Variants in SULT4A1 observed in about 807,000 individuals in gnomAD.
SULT4A1 encodes the protein sulfotransferase family 4A member 1.
In SULT4A1, 11 loss-of-function variants were observed where a neutral mutation model predicts 35.2. The observed-to-expected ratio is 0.31, with a 90% CI of 0.20 to 0.52. The LOEUF (loss-of-function observed/expected upper bound fraction) is 0.52, where lower values mean the gene tolerates loss of function less well. Ranked by LOEUF, SULT4A1 falls within the 20% of genes least tolerant of loss-of-function variation. The pLI is 0.97. For synonymous variants in SULT4A1, 152 were observed against 151.8 expected, an observed-to-expected ratio of 1.00 and a Z score of -0.01; for missense variants, 271 against 383.7, an observed-to-expected ratio of 0.71 and a Z score of 2.45.
chr22:43,827,407 T>C, intron 6 of SULT4A1: 1 of 1,178,492 alleles, frequency 8.5e-7, no homozygotes, highest in South Asian at 1.7e-5. Context: ...AACCCTTTAA[T>C]GATACCTAAG....
chr22:43,829,194 A>G lies in SULT4A1; in HGVS notation c.608T>C (p.Leu203Pro). 1.3e-6 allele frequency: 2 copies of G among 1,559,698 alleles called. No individual in the cohort carries two copies. The highest frequency in any genetic ancestry group is 2.4e-5 in the East Asian group (1 of 41,314). Residue 203 changes from leucine to proline, a missense_variant, in exon 6 of 7, where the codon CTG becomes CCG. By Grantham distance (98) the Leu-to-Pro change is moderately conservative. This residue lies in a region of SULT4A1 where 75 missense variants were observed against 67.7 expected (regional missense o/e 1.11). Transcript: ENST00000330884. ...FLKYEDMHRDLVTMVEQLARF... is the reference protein window; with the variant it reads ...FLKYEDMHRDPVTMVEQLARF... ...GGCCAGCTGCTCCACCATCGTCACC[A>G]GGTCCTGGAAGACAAGTGCAGAGAG...
At chr22:43,848,783 CAT>C (rs2063492522) in intron 1 of SULT4A1, among the ~76,000 whole-genome samples, 1 of 152,228 alleles carries the variant, frequency 6.6e-6, no homozygotes. Context: ...CAATCTTCCT[CAT>C]CACAGCTGGG....
At position 43,825,735 on chromosome 22, in the gene SULT4A1, C is replaced by T; in HGVS notation, c.*266G>A. The T allele has an allele frequency of 2.9e-6, 1 of 347,178 alleles. No homozygotes were observed. 21.5% of individuals were successfully genotyped at this position (347,178 alleles called of 1,614,324 possible). ...ACATTCTAGTTGCATATATTACAGG[C>T]TTTATCCTTACGGTCCAGGCCATTG... is the stretch of plus-strand genomic sequence containing the variant. On this transcript the variant is annotated 3_prime_UTR_variant, in exon 7 of 7. Transcript: ENST00000330884.
At chr22:43,860,514 G>A (rs1286636885) in intron 1 of SULT4A1, among the ~76,000 whole-genome samples, 1 of 152,134 alleles carries the variant, frequency 6.6e-6, no homozygotes, top group Non-Finnish European at 1.5e-5. Context: ...CCTCCGCAGA[G>A]ACCACAGCTC....
chr22:43,852,790 T>C (rs2049356738), intron 1 of SULT4A1, among the ~76,000 whole-genome samples: 1 of 149,918 alleles, frequency 6.7e-6, no homozygotes, highest in Non-Finnish European at 1.5e-5. Context: ...AACCAAGACT[T>C]CCGGAGCCCA....
At chr22:43,862,018 G>A (rs2049475543) in intron 1 of SULT4A1, among the ~76,000 whole-genome samples, 196 bp downstream of exon 1, 1 of 152,146 alleles carries the variant, frequency 6.6e-6, no homozygotes, top group South Asian at 2.1e-4. Flanking sequence ...TGAGAACCAA[G>A]CCCCTTCCCA....
At chr22:43,846,183 G>A (rs932594427) in intron 1 of SULT4A1, among the ~76,000 whole-genome samples, 3 of 152,094 alleles carry the variant, frequency 2.0e-5, no homozygotes, top group Non-Finnish European at 4.4e-5. Context: ...CCAGGCTGCC[G>A]ACACTGGTGT....
At chr22:43,826,650 GA>G (rs1174515698) in intron 6 of SULT4A1, 3 of 985,304 alleles carry the variant, frequency 3.0e-6, no homozygotes, top group Non-Finnish European at 3.6e-6. Context: ...TCAAAGTGCA[GA>G]AAATTTTACA....
chr22:43,854,244 G>A (rs1184227960), intron 1 of SULT4A1, among the ~76,000 whole-genome samples: 2 of 152,196 alleles, frequency 1.3e-5, no homozygotes, highest in African/African-American at 4.8e-5. Context: ...ACGACCATGT[G>A]ACATGGCCAA....
At chr22:43,842,973 G>C (rs917034409) in intron 1 of SULT4A1, among the ~76,000 whole-genome samples, 4 of 53,388 alleles carry the variant, frequency 7.5e-5, no homozygotes, top group Non-Finnish European at 1.6e-4. Context: ...TCAGTAAACA[G>C]CATCTCTCTC....
At chr22:43,856,488 C>A (rs1022638524) in intron 1 of SULT4A1, among the ~76,000 whole-genome samples, 17 of 152,200 alleles carry the variant, frequency 1.1e-4, no homozygotes, top group Non-Finnish European at 2.2e-4. Flanking sequence ...AACATGGAGC[C>A]TGCAGAAGAC....
At chr22:43,853,951 C>T (rs2049373030) in intron 1 of SULT4A1, among the ~76,000 whole-genome samples, 1 of 150,486 alleles carries the variant, frequency 6.6e-6, no homozygotes, top group Admixed American at 6.6e-5. Context: ...AAAAAACAGC[C>T]TTTGCAATGG....
chr22:43,829,340 TC>T, intron 5 of SULT4A1, 142 bp from the exon 6 acceptor site: 3 of 991,754 alleles, frequency 3.0e-6, no homozygotes, highest in Non-Finnish European at 2.9e-6. Flanking sequence ...ATCAGCCTTG[TC>T]CAGAAATAAC....
Position 43,829,238 on chromosome 22 carries a change from GC to G in SULT4A1, c.604-41del, listed in dbSNP as rs779181335. The G allele has an allele frequency of 4.0e-3, 6,036 of 1,490,584 alleles. 20 individuals are homozygous for G. Among genetic ancestry groups the G allele is most frequent in the Non-Finnish European group, 5.0e-3 (5,569 of 1,113,050 alleles). 92.3% of individuals were successfully genotyped at this position (1,490,584 alleles called of 1,614,324 possible). A position where few individuals can be genotyped will look rare whatever the true frequency, so the allele number is the denominator to read the frequency against. On this transcript the variant is annotated intron_variant, in intron 5 of 6. Coordinates refer to ENST00000330884, the MANE Select transcript of SULT4A1 (RefSeq NM_014351.4). ...CAGAGAGCAGAGCAGCCCATCAGAG[GC>G]GGGGCCTTTTACTGGACACGACCCC...
intron 4 of SULT4A1, among the ~76,000 whole-genome samples, chr22:43,835,120 A>G (rs1008616935): frequency 9.2e-5 from 13 of 141,954 alleles, no homozygotes; most frequent in Non-Finnish European, 1.7e-4. Context: ...CCGCAGCCAC[A>G]CCGCAGCCCT....
rs1181682008 is a variant in SULT4A1, at chr22:43,825,974, T to C, written c.*27A>G. Reference sequence around the variant, plus strand: ...TGGCTAGTAGACTGTCTGGGTATTGTGAGCATGCAGGTTGTTGTTTCTGTT... The same window carrying C: ...TGGCTAGTAGACTGTCTGGGTATTGCGAGCATGCAGGTTGTTGTTTCTGTT... On this transcript the variant is annotated 3_prime_UTR_variant, in exon 7 of 7. Coordinates refer to ENST00000330884, the MANE Select transcript of SULT4A1 (RefSeq NM_014351.4). 4.4e-6 allele frequency: 7 copies of C among 1,602,540 alleles called. No homozygotes were observed. Among genetic ancestry groups the C allele is most frequent in the Non-Finnish European group, 6.0e-6 (7 of 1,170,228 alleles).
At chr22:43,832,936 C>T (rs1029874321) in intron 5 of SULT4A1, among the ~76,000 whole-genome samples, 1 of 152,260 alleles carries the variant, frequency 6.6e-6, no homozygotes, top group Admixed American at 6.5e-5. Context: ...GCTTGTCTGT[C>T]AGCCACTGAC....
chr22:43,833,352 C>T (rs577113830), intron 5 of SULT4A1, among the ~76,000 whole-genome samples: 1 of 152,226 alleles, frequency 6.6e-6, no homozygotes, highest in African/African-American at 2.4e-5. Context: ...CTGTAAAGCA[C>T]TCCAAAGGCC....
At chr22:43,858,220 C>A (rs2049425790) in intron 1 of SULT4A1, among the ~76,000 whole-genome samples, 1 of 151,942 alleles carries the variant, frequency 6.6e-6, no homozygotes, top group Admixed American at 6.6e-5. Context: ...TTTGGGAGGC[C>A]AAGGCAGGAG....
Sources: gnomAD v4.1 joint callset for allele counts (sites outside exome capture counted in the v4.1 genomes callset) on GRCh38, gnomAD v4.1.1 for gene constraint, gnomAD v4.1.1 regional missense constraint, MANE v1.5 for transcripts, NCBI Gene and HGNC (gene_info 2026-07-23, HGNC 2026-07-21) for gene names.